The following AZIN2 variants were observed in gnomAD, a reference collection of about 807,000 sequenced individuals.
AZIN2 encodes the protein antizyme inhibitor 2, also known as ODC antizyme inhibitor-2.
AZIN2 carries 28 observed loss-of-function variants against 47.8 expected under a neutral mutation model. That is an observed-to-expected ratio of 0.59 (90% CI 0.43 to 0.80). AZIN2 has a LOEUF of 0.80. AZIN2 is among the 30% of genes least tolerant of loss of function. The pLI, the probability that AZIN2 is intolerant of heterozygous loss-of-function variation, is 0.00. For missense variants in AZIN2, 535 were observed against 582.5 expected (o/e 0.92, Z 0.84); for synonymous variants, 221 against 239.4 (o/e 0.92, Z 0.71).
chr1:33,123,618 A>C (rs1369889518), downstream of AZIN2, among the ~76,000 whole-genome samples: 2 of 152,216 alleles, frequency 1.3e-5, no homozygotes, highest in Non-Finnish European at 2.9e-5. Context: ...TAATCCTAGC[A>C]CTTCGGGAGG....
the AZIN2 span, among the ~76,000 whole-genome samples, chr1:33,155,041 C>T: frequency 3.7e-3 from 536 of 145,742 alleles, 5 homozygotes; most frequent in African/African-American, 0.012. Context: ...TGCAGTGAGC[C>T]GAGATCGCGC....
chr1:33,149,300 G>A, the AZIN2 span, among the ~76,000 whole-genome samples: 48 of 152,170 alleles, frequency 3.2e-4, no homozygotes, highest in African/African-American at 1.2e-3. Context: ...TTATAGGCAC[G>A]CGCCACCACG....
At chr1:33,094,475 C>A in intron 7 of AZIN2, 73 bp from the exon 8 acceptor site, 1 of 1,491,790 alleles carries the variant, frequency 6.7e-7, no homozygotes, top group Non-Finnish European at 9.2e-7. Flanking sequence ...TGCCCAATGT[C>A]ATTCTTGGCT....
chr1:33,105,570 C>T (rs1054434764), intron 10 of AZIN2, among the ~76,000 whole-genome samples: 1 of 152,126 alleles, frequency 6.6e-6, no homozygotes, highest in Non-Finnish European at 1.5e-5. Flanking sequence ...GGGGGAACTT[C>T]CAAACACTTT....
At chr1:33,142,020 T>G in the AZIN2 span, 4 of 152,566 alleles carry the variant, frequency 2.6e-5, no homozygotes, top group South Asian at 8.3e-4. Flanking sequence ...ATAGGAAGAT[T>G]GTGTAGAATC....
At chr1:33,108,338 T>C (rs1376836874) in intron 10 of AZIN2, among the ~76,000 whole-genome samples, 1 of 147,188 alleles carries the variant, frequency 6.8e-6, no homozygotes, top group Non-Finnish European at 1.5e-5. Context: ...GACTTTCAGA[T>C]TGACTTTTTT....
intron 10 of AZIN2, among the ~76,000 whole-genome samples, chr1:33,109,517 C>T (rs964344884): frequency 2.6e-5 from 4 of 151,608 alleles, no homozygotes; most frequent in East Asian, 1.9e-4. Context: ...TTAGTAGAGA[C>T]GGGGTTTCAC....
Position 33,122,325 on chromosome 1 carries a change from T to C in AZIN2, c.*2143T>C, listed in dbSNP as rs1021616135. Among the ~76,000 whole-genome samples, 4 of 152,196 alleles carry C rather than the reference T, an allele frequency of 2.6e-5. No individual in the cohort carries two copies. On this transcript the variant is annotated 3_prime_UTR_variant, in exon 12 of 12. Transcript: ENST00000294517. ...GCTTTTGAAATGACAGTGGCTGTCATGGAGTTTGGATGGATTTCTCACTGG... is the reference window on the plus strand; with the variant it reads ...GCTTTTGAAATGACAGTGGCTGTCACGGAGTTTGGATGGATTTCTCACTGG...
At chr1:33,136,068 C>T in the AZIN2 span, among the ~76,000 whole-genome samples, 1 of 152,062 alleles carries the variant, frequency 6.6e-6, no homozygotes, top group Non-Finnish European at 1.5e-5. Flanking sequence ...TGACTGCCCC[C>T]ATCCCTGTTC....
At chr1:33,161,922 C>G in the AZIN2 span, among the ~76,000 whole-genome samples, 1 of 152,180 alleles carries the variant, frequency 6.6e-6, no homozygotes, top group South Asian at 2.1e-4. The surrounding 1 kb of genome is among the most constrained non-coding windows in gnomAD (Gnocchi z 4.3). Context: ...CCATCCTCAC[C>G]CTGAACACCT....
intron 5 of AZIN2, among the ~76,000 whole-genome samples, chr1:33,087,111 G>A (rs1288041835): frequency 1.3e-5 from 2 of 151,886 alleles, no homozygotes; most frequent in Non-Finnish European, 2.9e-5. Context: ...TAATCACCAG[G>A]ATGGTTTTGG....
intron 10 of AZIN2, among the ~76,000 whole-genome samples, chr1:33,108,900 G>C (rs1644152338): frequency 6.6e-6 from 1 of 152,200 alleles, no homozygotes; most frequent in Non-Finnish European, 1.5e-5. Flanking sequence ...GAGTACAATT[G>C]CTGGATCATA....
intron 10 of AZIN2, among the ~76,000 whole-genome samples, chr1:33,103,094 A>G (rs1643829595): frequency 6.6e-6 from 1 of 152,092 alleles, no homozygotes; most frequent in South Asian, 2.1e-4. Context: ...CTACTGCAGT[A>G]GCCATTAACT....
At chr1:33,105,055 AT>A (rs1476047061) in intron 10 of AZIN2, among the ~76,000 whole-genome samples, 4 of 152,148 alleles carry the variant, frequency 2.6e-5, no homozygotes, top group Non-Finnish European at 4.4e-5. Flanking sequence ...TACTAATGTC[AT>A]GATTTAACCA....
At chr1:33,088,696 T>C (rs1332178699) in intron 5 of AZIN2, among the ~76,000 whole-genome samples, 2 of 152,246 alleles carry the variant, frequency 1.3e-5, no homozygotes, top group African/African-American at 4.8e-5. Flanking sequence ...TGCTCAGCAC[T>C]GCTTGCCTCA....
intron 10 of AZIN2, among the ~76,000 whole-genome samples, chr1:33,098,800 G>A (rs1233037275): frequency 5.3e-5 from 8 of 151,132 alleles, no homozygotes; most frequent in South Asian, 2.1e-4. Context: ...GTCTTACTCC[G>A]TCAACCAGGC....
At position 33,120,215 on chromosome 1, in the gene AZIN2, G is replaced by A. The variant is rs1366631857; in HGVS notation, c.*33G>A. ...TCGTTCCCCCCGGAGAATCCCAGCG[G>A]GGCCTCAGAGATGCATCTGGGAGAG... On this transcript the variant is annotated 3_prime_UTR_variant, in exon 12 of 12. Coordinates refer to ENST00000294517, the MANE Select transcript of AZIN2 (RefSeq NM_052998.4). 6.4e-7 allele frequency: 1 copy of A among 1,572,400 alleles called. No individual in the cohort carries two copies. Among genetic ancestry groups the A allele is most frequent in the African/African-American group, 1.3e-5 (1 of 74,300 alleles).
chr1:33,126,012 A>G (rs182837213), downstream of AZIN2, among the ~76,000 whole-genome samples: 1 of 152,324 alleles, frequency 6.6e-6, no homozygotes, highest in East Asian at 1.9e-4. Flanking sequence ...AAACAAACAA[A>G]AAAACTGTAA....
chr1:33,082,370 TG>T lies in AZIN2; in HGVS notation c.105+21del, dbSNP rs35045739. 1 of 1,602,946 alleles carries T rather than the reference TG, an allele frequency of 6.2e-7. No individual in the cohort carries two copies. The highest frequency in any genetic ancestry group is 8.5e-7 in the Non-Finnish European group (1 of 1,171,856). ...GGCCACCACGGTGAGGGGCTGGGAA[TG>T]GGGGTGGGTCCCCGGTCCCCTGTAC... On this transcript the variant is annotated intron_variant, in intron 4 of 11. Transcript: ENST00000294517.
Sources: allele counts gnomAD v4.1 joint callset (sites outside exome capture counted in the v4.1 genomes callset), GRCh38; gene constraint gnomAD v4.1.1; non-coding constraint Gnocchi (gnomAD v3.1); transcripts MANE v1.5; gene names NCBI Gene and HGNC (gene_info 2026-07-23, HGNC 2026-07-21).